SYNE1: variants seen among roughly 807,000 people sequenced by gnomAD.
The protein encoded by SYNE1 is nesprin-1.
Under a neutral mutation model 1,111.0 loss-of-function variants are expected in SYNE1, and 616 were observed. The ratio of observed to expected loss-of-function variants is 0.55; its 90% CI spans 0.52 to 0.59. SYNE1 has a LOEUF of 0.59. Among genes scored for constraint, SYNE1 ranks in the 20% least tolerant of loss-of-function variants. The pLI is 0.00. For synonymous variants in SYNE1, 3,855 were observed against 3,825.8 expected (o/e 1.01, Z -0.28); for missense variants, 10,006 against 10,417.0 (o/e 0.96, Z 1.72).
rs2098734072 is a variant in SYNE1, at chr6:152,461,535, C to T, written c.2394+62G>A. 4 of 1,608,282 alleles carry T rather than the reference C, an allele frequency of 2.5e-6. No homozygotes were observed. The South Asian group carries it at 4.4e-5, about 18-fold the overall frequency. On this transcript the variant is annotated intron_variant, in intron 21 of 145. Transcript: ENST00000367255. ...TTTGCCCATGGGGAGAAGGAGGTAGCAAGCAAGCTGAAGGCACTGTTGGTG... is the reference window on the plus strand; with the variant it reads ...TTTGCCCATGGGGAGAAGGAGGTAGTAAGCAAGCTGAAGGCACTGTTGGTG...
intron 15 of SYNE1, chr6:152,471,990 C>G: frequency 1.7e-6 from 1 of 599,526 alleles, no homozygotes; most frequent in Non-Finnish European, 2.9e-6. Context: ...CAACACATCT[C>G]TCGTCTGTTT....
chr6:152,191,396 G>A (rs540718915), intron 127 of SYNE1, among the ~76,000 whole-genome samples: 18 of 152,176 alleles, frequency 1.2e-4, no homozygotes, highest in South Asian at 1.0e-3. Flanking sequence ...ATTCAGTAGC[G>A]AAGCCATCAG....
intron 45 of SYNE1, 45 bp from the exon 46 acceptor site, chr6:152,404,359 C>T: frequency 1.4e-6 from 2 of 1,384,642 alleles, no homozygotes; most frequent in Non-Finnish European, 2.1e-6. Flanking sequence ...CACTGACATG[C>T]TATATTTGGC....
rs1407872764 is a variant in SYNE1, at chr6:152,434,261, G to A, written c.4311-316C>T. 2.6e-5 allele frequency: 8 copies of A among 311,112 alleles called. No individual in the cohort carries two copies. In the Admixed American group the frequency reaches 3.8e-4, roughly 15 times the overall value. 19.3% of individuals were successfully genotyped at this position (311,112 alleles called of 1,614,324 possible). On this transcript the variant is annotated intron_variant, in intron 33 of 145. Transcript: ENST00000367255. ...AATTAAACTCTGCATGTGACCAGTT[G>A]TTGCCAGGACTTATTTTTATAAACT... is the stretch of plus-strand genomic sequence containing the variant.
intron 67 of SYNE1, among the ~76,000 whole-genome samples, 177 bp from the exon 68 acceptor site, chr6:152,353,921 C>T (rs1445366566): frequency 6.6e-6 from 1 of 152,158 alleles, no homozygotes. Flanking sequence ...CAATGTGATA[C>T]AAACTGTACA....
Position 152,451,215 on chromosome 6 carries a change from A to G in SYNE1, c.3028-10T>C. 1 of 1,613,674 alleles carries G rather than the reference A, an allele frequency of 6.2e-7. No individual in the cohort carries two copies. The highest frequency in any genetic ancestry group is 8.5e-7 in the Non-Finnish European group (1 of 1,179,786). On this transcript the variant is annotated splice_polypyrimidine_tract_variant and intron_variant, in intron 25 of 145. Coordinates refer to ENST00000367255, the MANE Select transcript of SYNE1 (RefSeq NM_182961.4). Reference sequence around the variant, plus strand: ...CTTCTCCTTGAAGATCCTACATTCCATAGGAAGATTCAGAAAATTAGGATG... The same window carrying G: ...CTTCTCCTTGAAGATCCTACATTCCGTAGGAAGATTCAGAAAATTAGGATG...
intron 6 of SYNE1, among the ~76,000 whole-genome samples, chr6:152,512,994 C>T (rs901047405): frequency 1.1e-4 from 17 of 152,252 alleles, no homozygotes; most frequent in East Asian, 1.9e-4. Flanking sequence ...TTCCCAGAGT[C>T]GCAGCAAGCA....
intron 51 of SYNE1, among the ~76,000 whole-genome samples, chr6:152,393,672 T>C (rs1450726797): frequency 6.6e-6 from 1 of 152,082 alleles, no homozygotes; most frequent in African/African-American, 2.4e-5. Context: ...ATAGCAGTCA[T>C]CAAACTAGCA....
chr6:152,229,528 G>A (rs1046721516), intron 115 of SYNE1, among the ~76,000 whole-genome samples: 1 of 152,022 alleles, frequency 6.6e-6, no homozygotes, highest in Non-Finnish European at 1.5e-5. Context: ...TTAATAATGG[G>A]ATATTATTAA....
At chr6:152,168,270 G>C in intron 130 of SYNE1, 3 of 645,350 alleles carry the variant, frequency 4.6e-6, no homozygotes, top group Admixed American at 2.4e-5. Flanking sequence ...GGGGATGAAA[G>C]TTTCCCCTTG....
intron 2 of SYNE1, among the ~76,000 whole-genome samples, chr6:152,631,944 A>T (rs2099698606): frequency 6.6e-6 from 1 of 152,102 alleles, no homozygotes; most frequent in Non-Finnish European, 1.5e-5. Context: ...TCTGAAGAAC[A>T]CTTTCAGCTG....
chr6:152,136,849 G>A, intron 140 of SYNE1, 31 bp from the exon 141 acceptor site: 1 of 1,603,812 alleles, frequency 6.2e-7, no homozygotes, highest in East Asian at 2.2e-5. Flanking sequence ...AATCAAACAA[G>A]GACAATAATG....
chr6:152,479,419 A>G (rs1281913284), intron 14 of SYNE1, among the ~76,000 whole-genome samples: 1 of 152,226 alleles, frequency 6.6e-6, no homozygotes, highest in African/African-American at 2.4e-5. Flanking sequence ...TACTTTGCCA[A>G]ATCAATACTA....
chr6:152,260,974 G>T (rs537203046), intron 101 of SYNE1, among the ~76,000 whole-genome samples: 19 of 152,238 alleles, frequency 1.2e-4, no homozygotes, highest in African/African-American at 4.6e-4. Flanking sequence ...GGGTTGGGAA[G>T]CCCTGCTTTA....
intron 111 of SYNE1, 87 bp from the exon 112 acceptor site, chr6:152,234,050 T>C: frequency 3.0e-6 from 4 of 1,355,526 alleles, no homozygotes; most frequent in East Asian, 4.8e-5. Flanking sequence ...CATGAAACAA[T>C]TTCCTTTACA....
Position 152,447,454 on chromosome 6 carries a change from G to C in SYNE1, c.3669+4C>G, listed in dbSNP as rs376511242. 2.7e-5 allele frequency: 43 copies of C among 1,613,994 alleles called. No homozygotes were observed. The African/African-American group carries it at 5.1e-4, about 19-fold the overall frequency. ...TCTGTTTAGAGTGTGAGTAAATGCT[G>C]TACCTCTGACAGCAGCGTCACAAGA... On this transcript the variant is annotated splice_donor_region_variant and intron_variant, in intron 29 of 145. Transcript: ENST00000367255.
At chr6:152,298,469 G>A (rs2094999234) in intron 93 of SYNE1, among the ~76,000 whole-genome samples, 1 of 152,132 alleles carries the variant, frequency 6.6e-6, no homozygotes, top group African/African-American at 2.4e-5. Flanking sequence ...TTACATTTTA[G>A]CTAATAGCTA....
chr6:152,125,251 G>A (rs763005046), intron 145 of SYNE1: 39 of 1,549,238 alleles, frequency 2.5e-5, no homozygotes, highest in African/African-American at 2.1e-4. Context: ...AATTCAGGTC[G>A]TATTCATTTC....
intron 3 of SYNE1, among the ~76,000 whole-genome samples, chr6:152,599,250 A>C (rs2128622334): frequency 6.6e-6 from 1 of 152,314 alleles, no homozygotes; most frequent in South Asian, 2.1e-4. Context: ...GCCAAGGAAA[A>C]CATCACTGCA....
Sources: gnomAD v4.1 joint callset for allele counts (sites outside exome capture counted in the v4.1 genomes callset) on GRCh38, gnomAD v4.1.1 for gene constraint, MANE v1.5 for transcripts, NCBI Gene and HGNC (gene_info 2026-07-23, HGNC 2026-07-21) for gene names.